Variants in PTBP2 observed in about 807,000 individuals in gnomAD.
The protein encoded by PTBP2 is polypyrimidine tract-binding protein 2.
Under a neutral mutation model 61.4 loss-of-function variants are expected in PTBP2, and 13 were observed. The observed-to-expected ratio is 0.21, with a 90% CI of 0.14 to 0.34. The LOEUF (loss-of-function observed/expected upper bound fraction) is 0.34, where lower values mean the gene tolerates loss of function less well. Among genes scored for constraint, PTBP2 ranks in the 10% least tolerant of loss-of-function variants. The pLI, the probability that PTBP2 is intolerant of heterozygous loss-of-function variation, is 1.00. For missense variants in PTBP2, 405 were observed against 642.6 expected (o/e 0.63, Z 4.00); for synonymous variants, 215 against 218.5 (o/e 0.98, Z 0.14).
At chr1:96,743,839 A>G (rs968139119) in intron 2 of PTBP2, among the ~76,000 whole-genome samples, 1 of 152,122 alleles carries the variant, frequency 6.6e-6, no homozygotes, top group African/African-American at 2.4e-5. Flanking sequence ...TGAAAAGAGA[A>G]CAATGCTAAG....
At chr1:96,788,097 A>G (rs1177286876) in intron 8 of PTBP2, among the ~76,000 whole-genome samples, 3 of 152,148 alleles carry the variant, frequency 2.0e-5, no homozygotes, top group African/African-American at 7.2e-5. Flanking sequence ...TTGATAGGCA[A>G]ATGCCTATTT....
At chr1:96,761,345 G>GGTGTGTGTGT (rs1557720471) in intron 3 of PTBP2, among the ~76,000 whole-genome samples, 9 of 80,926 alleles carry the variant, frequency 1.1e-4, no homozygotes, top group Middle Eastern at 0.013. Flanking sequence ...TGTGGGATTT[G>GGTGTGTGTGT]ATGTGTGTGT....
intron 3 of PTBP2, among the ~76,000 whole-genome samples, chr1:96,765,095 C>T (rs888478850): frequency 6.6e-6 from 1 of 152,076 alleles, no homozygotes; most frequent in African/African-American, 2.4e-5. Flanking sequence ...AGAGTAGCAG[C>T]ATTCATTTTT....
chr1:96,818,631 G>T (rs929635538), downstream of PTBP2: 7 of 151,988 alleles, frequency 4.6e-5, no homozygotes, highest in Non-Finnish European at 8.8e-5. Flanking sequence ...GACAAGATTG[G>T]CAGGTGATGC....
chr1:96,745,853 T>G (rs1653682454), intron 2 of PTBP2, among the ~76,000 whole-genome samples: 1 of 151,958 alleles, frequency 6.6e-6, no homozygotes, highest in Admixed American at 6.6e-5. Flanking sequence ...GATCACAAGG[T>G]CAGGAGTTTG....
At chr1:96,805,090 A>T in intron 9 of PTBP2, 151 bp downstream of exon 9, 1 of 592,318 alleles carries the variant, frequency 1.7e-6, no homozygotes, top group Non-Finnish European at 2.7e-6. Context: ...AATAAAATCT[A>T]CATATTGTTT....
intron 2 of PTBP2, among the ~76,000 whole-genome samples, chr1:96,743,487 T>C (rs1428963201): frequency 6.6e-6 from 1 of 152,216 alleles, no homozygotes; most frequent in South Asian, 2.1e-4. Context: ...CGCATCATCC[T>C]TTCACCTAAT....
At chr1:96,771,412 A>G (rs1342265998) in intron 5 of PTBP2, 1 of 151,976 alleles carries the variant, frequency 6.6e-6, no homozygotes, top group African/African-American at 2.4e-5. Flanking sequence ...AGCTGTTTTA[A>G]TATAGTTTTA....
chr1:96,812,212 G>C (rs1249623453), intron 11 of PTBP2, among the ~76,000 whole-genome samples: 1 of 152,100 alleles, frequency 6.6e-6, no homozygotes, highest in Non-Finnish European at 1.5e-5. Flanking sequence ...ATTTATGAAG[G>C]TCATCAAGCT....
intron 2 of PTBP2, among the ~76,000 whole-genome samples, chr1:96,743,858 A>G (rs1653383689): frequency 6.6e-6 from 1 of 152,030 alleles, no homozygotes; most frequent in Non-Finnish European, 1.5e-5. Context: ...AGCAGCTTGT[A>G]TGGTGTGTGT....
intron 2 of PTBP2, among the ~76,000 whole-genome samples, chr1:96,743,052 T>C (rs973761238): frequency 1.3e-5 from 2 of 152,134 alleles, no homozygotes; most frequent in African/African-American, 4.8e-5. Context: ...TTCGGGAGGC[T>C]GAGGCGGGCA....
chr1:96,745,868 C>A (rs1002644772), intron 2 of PTBP2, among the ~76,000 whole-genome samples: 2 of 151,932 alleles, frequency 1.3e-5, no homozygotes, highest in Admixed American at 1.3e-4. Context: ...AGTTTGAGAC[C>A]AGCCTGGCCA....
chr1:96,785,331 C>T (rs1659096473), intron 8 of PTBP2, 77 bp downstream of exon 8: 2 of 1,183,876 alleles, frequency 1.7e-6, no homozygotes, highest in East Asian at 2.8e-5. Context: ...AATGAATCCC[C>T]CCATTTTGGA....
At chr1:96,723,455 G>A in intron 1 of PTBP2, 109 bp from the exon 2 acceptor site, 2 of 842,210 alleles carry the variant, frequency 2.4e-6, no homozygotes, top group Non-Finnish European at 3.7e-6. Context: ...CTGTGTGTGA[G>A]TGGCTGGAAG....
chr1:96,767,323 G>A (rs1036075163), intron 3 of PTBP2, among the ~76,000 whole-genome samples: 2 of 152,024 alleles, frequency 1.3e-5, no homozygotes, highest in Non-Finnish European at 2.9e-5. Flanking sequence ...CATTTGAAAG[G>A]GGAAGCCTTT....
At chr1:96,815,192 G>C (rs922043834), downstream of PTBP2, 2 of 74,850 alleles carry the variant, frequency 2.7e-5, no homozygotes, top group African/African-American at 1.5e-4. Flanking sequence ...TTTTGTTCTT[G>C]TTGTTTTTTT....
chr1:96,741,038 G>A (rs185912209), intron 2 of PTBP2, among the ~76,000 whole-genome samples: 1 of 151,792 alleles, frequency 6.6e-6, no homozygotes, highest in East Asian at 1.9e-4. Flanking sequence ...TATACTGTTA[G>A]CGCTGCATGT....
At chr1:96,742,612 T>C (rs1235913455) in intron 2 of PTBP2, among the ~76,000 whole-genome samples, 2 of 151,908 alleles carry the variant, frequency 1.3e-5, no homozygotes, top group Non-Finnish European at 2.9e-5. Context: ...ACTCCTTTAT[T>C]TTCTTTTAAA....
chr1:96,736,103 G>T (rs955355410), intron 2 of PTBP2, among the ~76,000 whole-genome samples: 9 of 152,196 alleles, frequency 5.9e-5, no homozygotes, highest in Admixed American at 2.6e-4. Context: ...TTTATAGCCA[G>T]CCAAATTATC....
Sources: gnomAD v4.1 joint callset for allele counts (sites outside exome capture counted in the v4.1 genomes callset) on GRCh38, gnomAD v4.1.1 for gene constraint, MANE v1.5 for transcripts, NCBI Gene and HGNC (gene_info 2026-07-23, HGNC 2026-07-21) for gene names.